The following INPP4B variants were observed in gnomAD, a reference collection of about 807,000 sequenced individuals.
The protein encoded by INPP4B is inositol polyphosphate-4-phosphatase type II B, also known as inositol polyphosphate 4-phosphatase type II.
In INPP4B, 55 loss-of-function variants were observed where a neutral mutation model predicts 122.5. The observed-to-expected ratio is 0.45, with a 90% CI of 0.36 to 0.56. The LOEUF (loss-of-function observed/expected upper bound fraction) is 0.56. INPP4B is among the 20% of genes least tolerant of loss of function. The pLI, the probability that INPP4B is intolerant of heterozygous loss-of-function variation, is 0.00. For missense variants in INPP4B, 1,000 were observed against 1,097.7 expected (o/e 0.91, Z 1.26); for synonymous variants, 403 against 388.7 (o/e 1.04, Z -0.43).
intron 15 of INPP4B, among the ~76,000 whole-genome samples, chr4:142,186,038 T>G (rs2152993290): frequency 6.6e-6 from 1 of 152,016 alleles, no homozygotes; most frequent in East Asian, 1.9e-4. Context: ...TTAGAAACAA[T>G]CTAAATGACC....
chr4:142,656,576 G>A (rs150839457), intron 2 of INPP4B, among the ~76,000 whole-genome samples: 390 of 152,194 alleles, frequency 2.6e-3, no homozygotes, highest in Non-Finnish European at 4.6e-3. Flanking sequence ...TAAGGATCCC[G>A]CACAGCTGGC....
At chr4:142,245,446 T>G (rs900988738) in intron 11 of INPP4B, among the ~76,000 whole-genome samples, 1 of 152,208 alleles carries the variant, frequency 6.6e-6, no homozygotes, top group African/African-American at 2.4e-5. Flanking sequence ...CTAGCCAGTT[T>G]TCACAACACA....
chr4:142,768,953 A>G (rs536136339), intron 1 of INPP4B, among the ~76,000 whole-genome samples: 3 of 152,204 alleles, frequency 2.0e-5, no homozygotes, highest in Admixed American at 1.3e-4. Context: ...AGAAAACTAT[A>G]CTGGATACAG....
chr4:142,090,300 T>TTC (rs1378466216), intron 23 of INPP4B, among the ~76,000 whole-genome samples: 3 of 151,802 alleles, frequency 2.0e-5, no homozygotes, highest in Admixed American at 6.6e-5. Context: ...TTGATTTTTT[T>TTC]TTTAACATTT....
chr4:142,832,181 T>C (rs773181933), intron 1 of INPP4B, among the ~76,000 whole-genome samples: 1 of 152,120 alleles, frequency 6.6e-6, no homozygotes, highest in Non-Finnish European at 1.5e-5. Context: ...CAGTGATGAG[T>C]AAAATTTTTA....
intron 2 of INPP4B, among the ~76,000 whole-genome samples, chr4:142,557,115 G>A (rs1208571186): frequency 6.6e-6 from 1 of 152,154 alleles, no homozygotes; most frequent in Non-Finnish European, 1.5e-5. Flanking sequence ...GTTTGCTGGT[G>A]CAGGAGTGAG....
chr4:142,457,409 T>C (rs1815686057), intron 3 of INPP4B, among the ~76,000 whole-genome samples: 1 of 152,142 alleles, frequency 6.6e-6, no homozygotes, highest in African/African-American at 2.4e-5. Flanking sequence ...ATATGGAATA[T>C]TTAATGACCT....
At chr4:142,235,686 A>G (rs551915897) in intron 12 of INPP4B, among the ~76,000 whole-genome samples, 1 of 152,182 alleles carries the variant, frequency 6.6e-6, no homozygotes. Context: ...TGGCCTCCCA[A>G]AGTGCTGGGA....
intron 5 of INPP4B, among the ~76,000 whole-genome samples, chr4:142,427,757 C>A (rs1401042055): frequency 6.6e-6 from 1 of 151,978 alleles, no homozygotes; most frequent in Non-Finnish European, 1.5e-5. Flanking sequence ...TGAAACTTCA[C>A]TTTTCAGAAG....
At chr4:142,809,416 A>G (rs1779234171) in intron 1 of INPP4B, among the ~76,000 whole-genome samples, 1 of 152,144 alleles carries the variant, frequency 6.6e-6, no homozygotes, top group Non-Finnish European at 1.5e-5. Context: ...GGCCTTCTAA[A>G]ATTCCAGCTG....
intron 1 of INPP4B, among the ~76,000 whole-genome samples, chr4:142,799,035 A>T (rs556923200): frequency 6.6e-6 from 1 of 152,004 alleles, no homozygotes; most frequent in Admixed American, 6.6e-5. Flanking sequence ...AGCACATAAT[A>T]CACTGCTAAT....
intron 2 of INPP4B, among the ~76,000 whole-genome samples, chr4:142,566,916 G>A (rs1731737566): frequency 6.6e-6 from 1 of 152,088 alleles, no homozygotes; most frequent in African/African-American, 2.4e-5. Context: ...GAGTTCCATT[G>A]GGCTTTATAT....
intron 7 of INPP4B, among the ~76,000 whole-genome samples, chr4:142,396,185 A>C (rs1008064623): frequency 6.6e-6 from 1 of 152,172 alleles, no homozygotes; most frequent in African/African-American, 2.4e-5. Flanking sequence ...GGCTAAGCCA[A>C]AGACTAATAA....
At chr4:142,731,806 GA>G (rs1766136663) in intron 1 of INPP4B, among the ~76,000 whole-genome samples, 1 of 152,086 alleles carries the variant, frequency 6.6e-6, no homozygotes, top group South Asian at 2.1e-4. Context: ...CATCTAACAT[GA>G]TATAGGAACA....
intron 10 of INPP4B, among the ~76,000 whole-genome samples, chr4:142,267,680 C>T (rs1362711812): frequency 1.3e-5 from 2 of 152,058 alleles, no homozygotes; most frequent in Non-Finnish European, 2.9e-5. Context: ...TGTAATATGA[C>T]CCCAAAAGCA....
At chr4:142,430,336 T>A (rs1363877726) in intron 4 of INPP4B, among the ~76,000 whole-genome samples, 1 of 152,080 alleles carries the variant, frequency 6.6e-6, no homozygotes, top group Non-Finnish European at 1.5e-5. Context: ...TGCGTTTTTT[T>A]AAAAGGTCAT....
At chr4:142,204,811 C>T (rs1253579469) in intron 14 of INPP4B, among the ~76,000 whole-genome samples, 1 of 152,002 alleles carries the variant, frequency 6.6e-6, no homozygotes, top group Non-Finnish European at 1.5e-5. Context: ...AGGATTACTC[C>T]ATAGGTTTAA....
intron 2 of INPP4B, among the ~76,000 whole-genome samples, chr4:142,570,322 A>G (rs993611472): frequency 2.0e-5 from 3 of 152,014 alleles, no homozygotes; most frequent in African/African-American, 4.8e-5. Context: ...AGCTCTTATT[A>G]CACTTGTTCC....
chr4:142,161,050 A>AT (rs5862574), intron 16 of INPP4B, among the ~76,000 whole-genome samples: 78 of 149,908 alleles, frequency 5.2e-4, no homozygotes, highest in African/African-American at 1.5e-3. Context: ...AAAGGAGAAG[A>AT]TTTTTTTTTT....
Sources: allele counts gnomAD v4.1 joint callset (sites outside exome capture counted in the v4.1 genomes callset), GRCh38; gene constraint gnomAD v4.1.1; transcripts MANE v1.5; gene names NCBI Gene and HGNC (gene_info 2026-07-23, HGNC 2026-07-21).